Variants in CPA6 observed in about 807,000 individuals in gnomAD.
The protein encoded by CPA6 is carboxypeptidase B.
Under a neutral mutation model 63.3 loss-of-function variants are expected in CPA6, and 58 were observed. The observed-to-expected ratio is 0.92, with a 90% CI of 0.74 to 1.14. The LOEUF (loss-of-function observed/expected upper bound fraction) is 1.14, where lower values mean the gene tolerates loss of function less well. Ranked by LOEUF, CPA6 falls within the 50% of genes most tolerant of loss-of-function variation. The pLI is 0.00. For synonymous variants in CPA6, 185 were observed against 179.0 expected, an observed-to-expected ratio of 1.03 and a Z score of -0.27; for missense variants, 565 against 526.6, an observed-to-expected ratio of 1.07 and a Z score of -0.71.
At chr8:67,692,672 C>T (rs1816836713) in intron 1 of CPA6, among the ~76,000 whole-genome samples, 2 of 152,180 alleles carry the variant, frequency 1.3e-5, no homozygotes, top group African/African-American at 4.8e-5. Context: ...TAGAATCACA[C>T]AGAAGTGCTG....
At chr8:67,723,836 T>C (rs771162076) in intron 1 of CPA6, among the ~76,000 whole-genome samples, 28 of 151,928 alleles carry the variant, frequency 1.8e-4, no homozygotes, top group Non-Finnish European at 4.0e-4. Flanking sequence ...ATATTTAGAG[T>C]GGGAGCAATA....
chr8:67,625,105 A>G (rs1587646743), intron 1 of CPA6, among the ~76,000 whole-genome samples: 2 of 152,072 alleles, frequency 1.3e-5, no homozygotes, highest in East Asian at 1.9e-4. Context: ...CAAGAAAGCA[A>G]TCATAATGAA....
chr8:67,662,499 T>A (rs1392031948), intron 1 of CPA6, among the ~76,000 whole-genome samples: 1 of 147,090 alleles, frequency 6.8e-6, no homozygotes, highest in African/African-American at 2.5e-5. Context: ...CATACACATG[T>A]ATATGTATAT....
intron 1 of CPA6, among the ~76,000 whole-genome samples, chr8:67,713,062 C>T (rs1416922120): frequency 8.1e-6 from 1 of 123,022 alleles, no homozygotes; most frequent in Non-Finnish European, 1.6e-5. Flanking sequence ...ACTTTATAAG[C>T]ATGTGTGTAT....
chr8:67,439,139 T>A (rs559995758), intron 8 of CPA6, among the ~76,000 whole-genome samples: 2 of 150,468 alleles, frequency 1.3e-5, no homozygotes, highest in East Asian at 2.0e-4. Flanking sequence ...TACAAAAATT[T>A]AAAAAAATTA....
intron 2 of CPA6, among the ~76,000 whole-genome samples, chr8:67,595,818 C>G (rs1814315776): frequency 6.6e-6 from 1 of 152,196 alleles, no homozygotes; most frequent in African/African-American, 2.4e-5. Context: ...AGGGAACTCC[C>G]TGACCCCTTG....
intron 1 of CPA6, among the ~76,000 whole-genome samples, chr8:67,691,616 A>G (rs1201906249): frequency 6.6e-6 from 1 of 152,144 alleles, no homozygotes; most frequent in Non-Finnish European, 1.5e-5. Context: ...CATGCTTTTA[A>G]TGCTCCTCAT....
chr8:67,660,094 T>A (rs1323698572), intron 1 of CPA6, among the ~76,000 whole-genome samples: 3 of 152,004 alleles, frequency 2.0e-5, no homozygotes, highest in African/African-American at 7.3e-5. Context: ...AAATCCCAAG[T>A]GGTCTGATTT....
chr8:67,705,916 C>T (rs894332845), intron 1 of CPA6, among the ~76,000 whole-genome samples: 1 of 151,988 alleles, frequency 6.6e-6, no homozygotes, highest in Non-Finnish European at 1.5e-5. Flanking sequence ...TGAATTTTGT[C>T]TAATTCAAAA....
chr8:67,429,721 G>A (rs1809978641), intron 9 of CPA6: 2 of 152,048 alleles, frequency 1.3e-5, no homozygotes, highest in Non-Finnish European at 2.9e-5. Flanking sequence ...CATGGCAAGG[G>A]CAGATATTTC....
intron 10 of CPA6, among the ~76,000 whole-genome samples, chr8:67,424,345 C>A (rs1809837419): frequency 6.6e-6 from 1 of 152,160 alleles, no homozygotes; most frequent in Non-Finnish European, 1.5e-5. Context: ...TTCCATGAAA[C>A]CGGTCCCTGG....
intron 2 of CPA6, among the ~76,000 whole-genome samples, chr8:67,587,417 A>G (rs1025966993): frequency 1.6e-4 from 24 of 152,300 alleles, no homozygotes; most frequent in African/African-American, 5.1e-4. Context: ...TAGAATGCCC[A>G]GAAGAAACCA....
intron 1 of CPA6, chr8:67,732,480 A>C (rs780112959): frequency 2.0e-5 from 3 of 152,210 alleles, no homozygotes; most frequent in Non-Finnish European, 2.9e-5. Context: ...GACTGTAAGA[A>C]TATAGATAAG....
intron 8 of CPA6, among the ~76,000 whole-genome samples, chr8:67,452,910 T>C (rs1810586201): frequency 6.6e-6 from 1 of 152,198 alleles, no homozygotes; most frequent in East Asian, 1.9e-4. Context: ...TAAGCCAATG[T>C]GGCTGGAGCC....
At chr8:67,727,262 A>G (rs867843737) in intron 1 of CPA6, among the ~76,000 whole-genome samples, 3 of 152,192 alleles carry the variant, frequency 2.0e-5, no homozygotes, top group South Asian at 4.1e-4. Context: ...AACCAAAACT[A>G]CTGATACCTT....
chr8:67,437,700 T>C (rs1315227641), intron 8 of CPA6, among the ~76,000 whole-genome samples: 2 of 152,086 alleles, frequency 1.3e-5, no homozygotes, highest in African/African-American at 4.8e-5. Flanking sequence ...GTTGAATGAA[T>C]ACAGTTGATG....
intron 2 of CPA6, among the ~76,000 whole-genome samples, chr8:67,564,831 C>G (rs1430383010): frequency 6.6e-6 from 1 of 152,112 alleles, no homozygotes; most frequent in Non-Finnish European, 1.5e-5. Context: ...GACAATATGT[C>G]TATCCCAATT....
At chr8:67,713,139 ATT>A (rs1817307605) in intron 1 of CPA6, among the ~76,000 whole-genome samples, 4 of 133,226 alleles carry the variant, frequency 3.0e-5, no homozygotes, top group East Asian at 2.2e-4. Context: ...ATATATATAT[ATT>A]AACAGGGTTC....
At position 67,740,875 on chromosome 8, in the gene CPA6, C is replaced by A. The variant is rs181968406; in HGVS notation, c.116+5139G>T. On this transcript the variant is annotated intron_variant, in intron 1 of 10. Transcript: ENST00000297770. ...GTGAGCCACCGTGCCTGGCCCCAAA[C>A]TACTTTTCAAAAAAAATCTTACTTC... 3.1e-3 allele frequency among the ~76,000 whole-genome samples: 468 copies of A among 152,032 alleles called. 1 individual carries two copies. Among genetic ancestry groups the A allele is most frequent in the Non-Finnish European group, 4.7e-3 (322 of 67,888 alleles).
Sources: gnomAD v4.1 joint callset for allele counts (sites outside exome capture counted in the v4.1 genomes callset) on GRCh38, gnomAD v4.1.1 for gene constraint, MANE v1.5 for transcripts, NCBI Gene and HGNC (gene_info 2026-07-23, HGNC 2026-07-21) for gene names.